The following CAPN14 variants were observed in gnomAD, a reference collection of about 807,000 sequenced individuals.
The protein encoded by CAPN14 is calpain 14, also known as calpain-14.
CAPN14 carries 94 observed loss-of-function variants against 101.3 expected under a neutral mutation model. The observed-to-expected ratio is 0.93, with a 90% CI of 0.79 to 1.10. The LOEUF (loss-of-function observed/expected upper bound fraction) is 1.10, where lower values mean the gene tolerates loss of function less well. CAPN14 is among the 50% of genes least tolerant of loss of function. CAPN14 has a pLI of 0.00. For missense variants in CAPN14, 837 were observed against 828.4 expected (o/e 1.01, Z -0.13); for synonymous variants, 338 against 317.9 (o/e 1.06, Z -0.67).
At chr2:31,186,185 T>A (rs1680889774) in intron 16 of CAPN14, among the ~76,000 whole-genome samples, 1 of 152,246 alleles carries the variant, frequency 6.6e-6, no homozygotes, top group Non-Finnish European at 1.5e-5. Context: ...GCAGGAATCT[T>A]CATTTTCACT....
At chr2:31,216,017 A>C (rs571851619) in intron 1 of CAPN14, among the ~76,000 whole-genome samples, 1 of 152,302 alleles carries the variant, frequency 6.6e-6, no homozygotes, top group East Asian at 1.9e-4. Flanking sequence ...AATATCCCCA[A>C]ATGAAAACTA....
chr2:31,204,710 T>A (rs1366537971), intron 2 of CAPN14, among the ~76,000 whole-genome samples: 1 of 152,188 alleles, frequency 6.6e-6, no homozygotes, highest in African/African-American at 2.4e-5. Flanking sequence ...CCCTTCCCCA[T>A]GCCTTGCCCT....
chr2:31,205,881 G>C (rs1682047915), intron 1 of CAPN14, among the ~76,000 whole-genome samples: 1 of 152,008 alleles, frequency 6.6e-6, no homozygotes, highest in African/African-American at 2.4e-5. Flanking sequence ...GCCTGCCAAG[G>C]TAGTGGGGAG....
intron 7 of CAPN14, among the ~76,000 whole-genome samples, chr2:31,199,217 G>C (rs1681626393): frequency 6.6e-6 from 1 of 152,226 alleles, no homozygotes; most frequent in Non-Finnish European, 1.5e-5. Context: ...AGGAAGGGTT[G>C]TGAGGTACAG....
In CAPN14 at chr2:31,189,448, C is replaced by T. The variant is rs1290429590; in HGVS notation, c.1318G>A (p.Glu440Lys). 1.3e-6 allele frequency: 2 copies of T among 1,551,592 alleles called. No homozygotes were observed. The highest frequency in any genetic ancestry group is 2.0e-5 in the Admixed American group (1 of 50,994). Residue 440 changes from glutamate (E) to lysine (K), a missense_variant, in exon 13 of 22, where the codon GAG becomes AAG. Glu to Lys is a moderately conservative substitution (Grantham distance 56). Transcript: ENST00000403897. ...AGAGGAGTGTTTCTCTGGAAGAACTCAGGGGGCAGTCTCCTCTGGTCATCA... is the reference window on the plus strand; with the variant it reads ...AGAGGAGTGTTTCTCTGGAAGAACTTAGGGGGCAGTCTCCTCTGGTCATCA... ...YHDDQRRLPPEFFQRNTPLSQ... is the reference protein window; with the variant it reads ...YHDDQRRLPPKFFQRNTPLSQ...
In CAPN14 at chr2:31,194,456, G is replaced by C; in HGVS notation, c.903C>G (p.Pro301=). 2 of 1,551,456 alleles carry C rather than the reference G, an allele frequency of 1.3e-6. No individual in the cohort carries two copies. Among genetic ancestry groups the C allele is most frequent in the Middle Eastern group, 1.7e-4 (1 of 5,992 alleles). ...TCCTCAGAAGCAGAATCTTCTCCTTGGGGCTCAGCAGCTCCCATTTACTTG... is the reference window on the plus strand; with the variant it reads ...TCCTCAGAAGCAGAATCTTCTCCTTCGGGCTCAGCAGCTCCCATTTACTTG... The part of the protein sequence containing the change: ...DSSSKWELLS[P]KEKILLLRKD... Residue 301 remains proline (P), a synonymous_variant, in exon 9 of 22, where the codon CCC becomes CCG. Coordinates refer to ENST00000403897, the MANE Select transcript of CAPN14 (RefSeq NM_001145122.2).
Position 31,212,286 on chromosome 2 carries a change from G to C in CAPN14, c.-53+5170C>G, listed in dbSNP as rs572043232. On this transcript the variant is annotated intron_variant, in intron 1 of 21. Coordinates refer to ENST00000403897, the MANE Select transcript of CAPN14 (RefSeq NM_001145122.2). ...GATCCCACCACTGCACTCCAGCCTG[G>C]GTGACAGAATAAGACCGTCTCAAAA... is the stretch of plus-strand genomic sequence containing the variant. 2.0e-5 allele frequency among the ~76,000 whole-genome samples: 3 copies of C among 149,864 alleles called. No individual in the cohort carries two copies. In the South Asian group the frequency reaches 6.4e-4, roughly 32 times the overall value.
intron 18 of CAPN14, 29 bp downstream of exon 18, chr2:31,178,482 A>G (rs368862709): frequency 2.4e-4 from 373 of 1,529,936 alleles, no homozygotes; most frequent in Non-Finnish European, 3.2e-4. Context: ...ACCATCTTCC[A>G]AAGAGGTGTG....
chr2:31,226,053 A>G (rs544529934), intron 2 of CAPN14, among the ~76,000 whole-genome samples: 2 of 152,356 alleles, frequency 1.3e-5, no homozygotes, highest in African/African-American at 4.8e-5. Context: ...TAACTCATGG[A>G]AACAAAATAG....
intron 16 of CAPN14, among the ~76,000 whole-genome samples, chr2:31,186,012 T>C (rs781104212): frequency 1.1e-4 from 16 of 152,338 alleles, no homozygotes; most frequent in Middle Eastern, 3.4e-3. Context: ...CAGAGTTTTG[T>C]TGCTTGATCA....
intron 16 of CAPN14, among the ~76,000 whole-genome samples, chr2:31,184,779 C>T (rs1680824666): frequency 6.6e-6 from 1 of 152,220 alleles, no homozygotes; most frequent in Admixed American, 6.5e-5. Context: ...TGGTTTCTAG[C>T]ATTTCCTGGA....
chr2:31,223,265 G>C (rs1223426064), intron 2 of CAPN14, among the ~76,000 whole-genome samples: 1 of 152,194 alleles, frequency 6.6e-6, no homozygotes, highest in Non-Finnish European at 1.5e-5. Flanking sequence ...CAATACCACG[G>C]TACTAAATTG....
At chr2:31,222,918 C>T (rs558626055) in intron 2 of CAPN14, among the ~76,000 whole-genome samples, 3 of 152,104 alleles carry the variant, frequency 2.0e-5, no homozygotes, top group Admixed American at 1.3e-4. Context: ...ATTTATGAAT[C>T]GGAGTTATGA....
rs1311520482 is a variant in CAPN14 at position 31,191,639 on chromosome 2, A to C, written c.1279-232T>G. On this transcript the variant is annotated intron_variant, in intron 11 of 21. Coordinates refer to ENST00000403897, the MANE Select transcript of CAPN14 (RefSeq NM_001145122.2). ...GGGAAAGAATGCTTGGCTTTTGGGG[A>C]GAGGAAAAGGAAGCCAATATTGATC... Among the ~76,000 whole-genome samples, 6 of 152,186 alleles carry C rather than the reference A, an allele frequency of 3.9e-5. No homozygotes were observed. The East Asian group carries it at 1.2e-3, about 29-fold the overall frequency.
At chr2:31,221,748 C>A (rs922095648), upstream of CAPN14, among the ~76,000 whole-genome samples, 2 of 152,064 alleles carry the variant, frequency 1.3e-5, no homozygotes, top group Non-Finnish European at 2.9e-5. Flanking sequence ...GGGGTATAGT[C>A]GGAAAGAAGC....
At chr2:31,203,992 A>G (rs1480793077) in intron 2 of CAPN14, among the ~76,000 whole-genome samples, 2 of 152,206 alleles carry the variant, frequency 1.3e-5, no homozygotes, top group East Asian at 3.8e-4. Context: ...AGTGATTAAT[A>G]GCTTCTTAAT....
rs1445798768 is a variant in CAPN14 at position 31,230,243 on chromosome 2, T to A, written c.-177+3548A>T. 6.6e-6 allele frequency among the ~76,000 whole-genome samples: 1 copy of A among 152,254 alleles called. No individual in the cohort carries two copies. The highest frequency in any genetic ancestry group is 1.5e-5 in the Non-Finnish European group (1 of 68,046). ...ATATTTTATATGAATGTGGCACATT[T>A]ATCCATTTACTCGGTGAAGGACATT... On this transcript the variant is annotated intron_variant and NMD_transcript_variant, in intron 1 of 21. Coordinates refer to the CAPN14 transcript ENST00000398824. The surrounding 1 kb of genome is among the most constrained non-coding windows in gnomAD (Gnocchi z 4.3).
chr2:31,228,343 A>T (rs1196677877), intron 1 of CAPN14: 1 of 152,142 alleles, frequency 6.6e-6, no homozygotes, highest in African/African-American at 2.4e-5. Context: ...AATGCACCCG[A>T]TCTCATCTGA....
chr2:31,211,840 A>C (rs1232215669), intron 1 of CAPN14, among the ~76,000 whole-genome samples: 1 of 152,156 alleles, frequency 6.6e-6, no homozygotes, highest in African/African-American at 2.4e-5. Context: ...TGAGGAAAAA[A>C]ATGTGTTTAA....
Sources: gnomAD v4.1 joint callset for allele counts (sites outside exome capture counted in the v4.1 genomes callset) on GRCh38, gnomAD v4.1.1 for gene constraint, Gnocchi (gnomAD v3.1) non-coding constraint, MANE v1.5 for transcripts, NCBI Gene and HGNC (gene_info 2026-07-23, HGNC 2026-07-21) for gene names.